EIF1B: variants seen among roughly 807,000 people sequenced by gnomAD.
The protein encoded by EIF1B is protein translation factor SUI1 homolog GC20.
Under a neutral mutation model 14.8 loss-of-function variants are expected in EIF1B, and 5 were observed. The observed-to-expected ratio is 0.34, with a 90% CI of 0.18 to 0.71. EIF1B has a LOEUF of 0.71. Ranked by LOEUF, EIF1B falls within the 30% of genes least tolerant of loss-of-function variation. The pLI, the probability that EIF1B is intolerant of heterozygous loss-of-function variation, is 0.64. For missense variants in EIF1B, 56 were observed against 134.0 expected (o/e 0.42, Z 2.87); for synonymous variants, 45 against 45.8 (o/e 0.98, Z 0.07).
chr3:40,309,893 C>G lies in EIF1B; in HGVS notation c.-49C>G, dbSNP rs1191925732. 1 of 1,602,186 alleles carries G rather than the reference C, an allele frequency of 6.2e-7. No homozygotes were observed. Among genetic ancestry groups the G allele is most frequent in the Admixed American group, 1.7e-5 (1 of 59,996 alleles). ...CAGCCTCCTGACAAGGTGATCCGGG[C>G]GGGCCCCGCAGGAATTTTATCCCCT... is the stretch of plus-strand genomic sequence containing the variant. On this transcript the variant is annotated 5_prime_UTR_variant, in exon 1 of 4. Transcript: ENST00000232905.
At chr3:40,310,785 C>T in intron 1 of EIF1B, 108 bp from the exon 2 acceptor site, 1 of 1,256,714 alleles carries the variant, frequency 8.0e-7, no homozygotes, top group Non-Finnish European at 1.1e-6. Context: ...GGCACTAGAA[C>T]CTTCATTGAT....
rs542139647 is a variant in EIF1B, at chr3:40,310,592, A to G, written c.32-301A>G. 1.4e-4 allele frequency: 34 copies of G among 243,598 alleles called. No homozygotes were observed. In the East Asian group the frequency reaches 2.8e-3, roughly 20 times the overall value. 15.1% of individuals were successfully genotyped at this position (243,598 alleles called of 1,614,324 possible). On this transcript the variant is annotated intron_variant, in intron 1 of 3. Transcript: ENST00000232905. ...CGCACATTTTTATAGCGGCTACAAT[A>G]TTAAGGTTTTCTAAATCTTTTTCTC...
intron 1 of EIF1B, 81 bp downstream of exon 1, chr3:40,310,053 G>C (rs1187665954): frequency 6.3e-7 from 1 of 1,583,426 alleles, no homozygotes; most frequent in Non-Finnish European, 8.6e-7. Flanking sequence ...CGCCCCTAGG[G>C]GCCCCCTTTC....
At chr3:40,310,548 C>T (rs1954311988) in intron 1 of EIF1B, 1 of 205,052 alleles carries the variant, frequency 4.9e-6, no homozygotes, top group South Asian at 1.5e-4. Flanking sequence ...ATGTTTTCAT[C>T]AGAATGTAAT....
Position 40,311,462 on chromosome 3 carries a change from T to C in EIF1B, c.196-8T>C. On this transcript the variant is annotated splice_region_variant and splice_polypyrimidine_tract_variant and intron_variant, in intron 2 of 3. Coordinates refer to ENST00000232905, the MANE Select transcript of EIF1B (RefSeq NM_005875.3). ...TAAATTTTGTTGTATATTTATGCAC[T>C]TTTCCAGAAATTTGCCTGTAATGGT... is the stretch of plus-strand genomic sequence containing the variant. 2 of 1,608,910 alleles carry C rather than the reference T, an allele frequency of 1.2e-6. No homozygotes were observed. Among genetic ancestry groups the C allele is most frequent in the Non-Finnish European group, 1.7e-6 (2 of 1,176,062 alleles).
intron 3 of EIF1B, 194 bp from the exon 4 acceptor site, chr3:40,311,776 A>T: frequency 1.5e-6 from 1 of 657,950 alleles, no homozygotes; most frequent in Non-Finnish European, 2.6e-6. Flanking sequence ...CTTTATATAC[A>T]CACACAGGCT....
rs1030129670 is a variant in EIF1B at position 40,312,329 on chromosome 3, C to T, written c.*315C>T. ...TTTTGTTGTTGTATTAAACCATGTA[C>T]GTTGCAGCTTAACAATAAAAAAAAA... On this transcript the variant is annotated 3_prime_UTR_variant, in exon 4 of 4. Transcript: ENST00000232905. The T allele has an allele frequency of 6.1e-5, 13 of 213,226 alleles. No individual in the cohort carries two copies. Among genetic ancestry groups the T allele is most frequent in the African/African-American group, 1.0e-4 (4 of 40,104 alleles). 13.2% of individuals were successfully genotyped at this position (213,226 alleles called of 1,614,324 possible).
chr3:40,310,328 G>T (rs1226088617), intron 1 of EIF1B, among the ~76,000 whole-genome samples: 1 of 152,240 alleles, frequency 6.6e-6, no homozygotes, highest in African/African-American at 2.4e-5. Context: ...AGGGAAACCA[G>T]GGATCGGCGC....
intron 3 of EIF1B, 44 bp from the exon 4 acceptor site, chr3:40,311,926 A>G: frequency 7.3e-7 from 1 of 1,361,736 alleles, no homozygotes; most frequent in Non-Finnish European, 1.0e-6. Context: ...ATGAATTTTT[A>G]TATTTCTCAG....
In EIF1B at chr3:40,312,300, A is replaced by ATT. The variant is rs11374095; in HGVS notation, c.*292_*293dup. The ATT allele has an allele frequency of 7.1e-5, 19 of 266,922 alleles. No homozygotes were observed. Among genetic ancestry groups the ATT allele is most frequent in the Admixed American group, 1.6e-4 (3 of 18,652 alleles). 16.5% of individuals were successfully genotyped at this position (266,922 alleles called of 1,614,324 possible). A position where few individuals can be genotyped will look rare whatever the true frequency, so the allele number is the denominator to read the frequency against. On this transcript the variant is annotated 3_prime_UTR_variant, in exon 4 of 4. Coordinates refer to ENST00000232905, the MANE Select transcript of EIF1B (RefSeq NM_005875.3). ...AGTTTATTACGTTTCACTTGATTAAATTTTTTTGTTGTTGTATTAAACCAT... is the reference window on the plus strand; with the variant it reads ...AGTTTATTACGTTTCACTTGATTAAATTTTTTTTTGTTGTTGTATTAAACCAT...
At chr3:40,310,073 C>G in intron 1 of EIF1B, 101 bp downstream of exon 1, 1 of 1,501,454 alleles carries the variant, frequency 6.7e-7, no homozygotes, top group Non-Finnish European at 9.2e-7. Flanking sequence ...CTGCCCTTCC[C>G]GCACCCCTAG....
intron 1 of EIF1B, 86 bp downstream of exon 1, chr3:40,310,058 C>G: frequency 1.9e-6 from 3 of 1,544,830 alleles, no homozygotes; most frequent in Non-Finnish European, 2.7e-6. Context: ...CTAGGGGCCC[C>G]CTTTCTGCCC....
chr3:40,310,125 C>T (rs1482714249), intron 1 of EIF1B, among the ~76,000 whole-genome samples, 153 bp downstream of exon 1: 2 of 152,194 alleles, frequency 1.3e-5, no homozygotes, highest in African/African-American at 2.4e-5. Context: ...GACGGGGCCC[C>T]TGGCGACCCC....
At position 40,309,840 on chromosome 3, in the gene EIF1B, CTTAT is replaced by C. The variant is rs1954302474; in HGVS notation, c.-95_-92del. On this transcript the variant is annotated 5_prime_UTR_variant, in exon 1 of 4. Transcript: ENST00000232905. ...TCCCAACCCCAGGGCGAAGCGTTTT[CTTAT>C]TTATTTCCGTTTTCTCGCCACTACA... 4.2e-6 allele frequency: 6 copies of C among 1,419,820 alleles called. No individual in the cohort carries two copies. Among genetic ancestry groups the C allele is most frequent in the South Asian group, 1.2e-5 (1 of 86,810 alleles). 88.0% of individuals were successfully genotyped at this position (1,419,820 alleles called of 1,614,324 possible).
At position 40,309,714 on chromosome 3, in the gene EIF1B, C is replaced by T. The variant is rs541101708; in HGVS notation, c.-228C>T. 4 of 573,896 alleles carry T rather than the reference C, an allele frequency of 7.0e-6. No homozygotes were observed. The highest frequency in any genetic ancestry group is 1.2e-5 in the Non-Finnish European group (4 of 324,302). 35.6% of individuals were successfully genotyped at this position (573,896 alleles called of 1,614,324 possible). On this transcript the variant is annotated 5_prime_UTR_variant, in exon 1 of 4. Transcript: ENST00000232905. ...CCATCGGCCATTTTGTGCGAGAAGC[C>T]GCAGCGCCGCCTCTTCTCTCGCGCC...
At chr3:40,311,762 A>G in intron 3 of EIF1B, 191 bp downstream of exon 3, 4 of 658,660 alleles carry the variant, frequency 6.1e-6, no homozygotes, top group African/African-American at 1.8e-5. Flanking sequence ...TATTCTGATC[A>G]TTTCTTTATA....
intron 2 of EIF1B, 173 bp from the exon 3 acceptor site, chr3:40,311,296 TA>T: frequency 1.7e-6 from 1 of 600,488 alleles, no homozygotes; most frequent in Non-Finnish European, 2.8e-6. Flanking sequence ...ATGTTACACA[TA>T]AAATCATTTC....
Position 40,309,828 on chromosome 3 carries a change from G to T in EIF1B, c.-114G>T, listed in dbSNP as rs1954302321. On this transcript the variant is annotated 5_prime_UTR_variant, in exon 1 of 4. Coordinates refer to ENST00000232905, the MANE Select transcript of EIF1B (RefSeq NM_005875.3). ...ACTCCAGCCTAATCCCAACCCCAGGGCGAAGCGTTTTCTTATTTATTTCCG... is the reference window on the plus strand; with the variant it reads ...ACTCCAGCCTAATCCCAACCCCAGGTCGAAGCGTTTTCTTATTTATTTCCG... 1 of 1,322,744 alleles carries T rather than the reference G, an allele frequency of 7.6e-7. No individual in the cohort carries two copies. The highest frequency in any genetic ancestry group is 1.1e-6 in the Non-Finnish European group (1 of 927,822). The allele number at this position is 1,322,744 out of a possible 1,614,324, so 81.9% of individuals were successfully genotyped here.
At chr3:40,311,676 G>C in intron 3 of EIF1B, 105 bp downstream of exon 3, 1 of 931,660 alleles carries the variant, frequency 1.1e-6, no homozygotes, top group Non-Finnish European at 1.7e-6. Context: ...TACGAATGAA[G>C]GAAATTAGGT....
Sources: gnomAD v4.1 joint callset for allele counts (sites outside exome capture counted in the v4.1 genomes callset) on GRCh38, gnomAD v4.1.1 for gene constraint, MANE v1.5 for transcripts, NCBI Gene and HGNC (gene_info 2026-07-23, HGNC 2026-07-21) for gene names.